KALRN: variants seen among roughly 807,000 people sequenced by gnomAD.
KALRN encodes the protein kalirin.
A neutral mutation model predicts 353.7 loss-of-function variants in KALRN; 70 were observed. The ratio of observed to expected loss-of-function variants is 0.20; its 90% CI spans 0.16 to 0.24. The LOEUF (loss-of-function observed/expected upper bound fraction) is 0.24. KALRN is among the 10% of genes least tolerant of loss of function. The probability of loss-of-function intolerance (pLI) is 1.00; values close to 1 mark genes in which losing one functional copy is unlikely to be tolerated. For synonymous variants in KALRN, 1,391 were observed against 1,434.8 expected (o/e 0.97, Z 0.69); for missense variants, 2,791 against 3,756.7 (o/e 0.74, Z 6.72).
At position 124,334,164 on chromosome 3, in the gene KALRN, A is replaced by C. The variant is rs2080885989; in HGVS notation, c.1417-101A>C. 1.0e-6 allele frequency: 1 copy of C among 975,888 alleles called. No individual in the cohort carries two copies. Among genetic ancestry groups the C allele is most frequent in the Admixed American group, 1.8e-5 (1 of 54,502 alleles). The allele number at this position is 975,888 out of a possible 1,614,324, so 60.5% of individuals were successfully genotyped here. On this transcript the variant is annotated intron_variant, in intron 8 of 59. Coordinates refer to ENST00000682506, the MANE Select transcript of KALRN (RefSeq NM_001388419.1). This position sits in a 1 kb window ranked among gnomAD's most constrained non-coding sequence, Gnocchi z 4.2. Reference sequence around the variant, plus strand: ...TGGGTATGGAATGCCTGAGATTCTCAGAAGGCCTAGTCAGGGACCCTCAGG... The same window carrying C: ...TGGGTATGGAATGCCTGAGATTCTCCGAAGGCCTAGTCAGGGACCCTCAGG...
chr3:124,366,855 CGGACGGGGCGGCT>C (rs2084801144), intron 10 of KALRN, among the ~76,000 whole-genome samples: 2 of 145,204 alleles, frequency 1.4e-5, no homozygotes, highest in East Asian at 2.1e-4. Context: ...ACCTCCCTCC[CGGACGGGGCGGCT>C]GGCCGGGCGG....
intron 1 of KALRN, chr3:124,082,329 T>C (rs1348270666): frequency 6.4e-6 from 3 of 470,872 alleles, no homozygotes; most frequent in Non-Finnish European, 1.3e-5. Context: ...AACTTTTTCT[T>C]ACTGTAAGTA....
At chr3:124,065,342 A>T (rs1322875018) in intron 1 of KALRN, among the ~76,000 whole-genome samples, 1 of 152,100 alleles carries the variant, frequency 6.6e-6, no homozygotes, top group Admixed American at 6.5e-5. Flanking sequence ...TATTTTGGGG[A>T]TGAAGTTAGG....
chr3:124,563,777 C>T (rs997907861), intron 34 of KALRN, among the ~76,000 whole-genome samples: 1 of 152,114 alleles, frequency 6.6e-6, no homozygotes, highest in Non-Finnish European at 1.5e-5. Context: ...TATCAGCATG[C>T]CCTGGGAACC....
Position 124,588,464 on chromosome 3 carries a change from G to A in KALRN, c.5182+25375G>A, listed in dbSNP as rs139300147. On this transcript the variant is annotated intron_variant, in intron 34 of 59. Transcript: ENST00000682506. The stretch of plus-strand genomic sequence containing the variant: ...TTTTGAGATGGAGTCTCGCTCTGTC[G>A]CCCAGGCTGGAGTGCAGTGGGACAA... Among the ~76,000 whole-genome samples, 129 of 152,192 alleles carry A rather than the reference G, an allele frequency of 8.5e-4. No individual in the cohort carries two copies. The East Asian group carries it at 0.022, about 26-fold the overall frequency.
intron 37 of KALRN, among the ~76,000 whole-genome samples, chr3:124,640,202 A>G (rs1423710797): frequency 6.6e-6 from 1 of 152,154 alleles, no homozygotes; most frequent in Admixed American, 6.5e-5. Flanking sequence ...CAATGTACAG[A>G]TCAAAAGAAG....
chr3:124,690,865 A>G (rs891997088), intron 51 of KALRN, among the ~76,000 whole-genome samples: 2 of 152,260 alleles, frequency 1.3e-5, no homozygotes, highest in African/African-American at 4.8e-5. Context: ...AAAAGCAAAT[A>G]TTCCTAATTT....
Position 124,719,692 on chromosome 3 carries a change from A to G in KALRN, c.*222A>G. 1 of 529,854 alleles carries G rather than the reference A, an allele frequency of 1.9e-6. No individual in the cohort carries two copies. Among genetic ancestry groups the G allele is most frequent in the Non-Finnish European group, 3.4e-6 (1 of 296,674 alleles). The allele number at this position is 529,854 out of a possible 1,614,324, so 32.8% of individuals were successfully genotyped here. On this transcript the variant is annotated 3_prime_UTR_variant, in exon 60 of 60. Coordinates refer to ENST00000682506, the MANE Select transcript of KALRN (RefSeq NM_001388419.1). The surrounding 1 kb of genome is among the most constrained non-coding windows in gnomAD (Gnocchi z 5.3). Reference sequence around the variant, plus strand: ...AGAAGGTCATTCTGAAGAAATAAAGAGGCAAAGGGTCACAGAAGTGTTCAG... The same window carrying G: ...AGAAGGTCATTCTGAAGAAATAAAGGGGCAAAGGGTCACAGAAGTGTTCAG...
intron 1 of KALRN, among the ~76,000 whole-genome samples, chr3:124,161,182 C>CA (rs2069882433): frequency 6.6e-6 from 1 of 152,070 alleles, no homozygotes; most frequent in Non-Finnish European, 1.5e-5. Flanking sequence ...ATCCCTCCCC[C>CA]AAAAAAGTAA....
intron 5 of KALRN, among the ~76,000 whole-genome samples, chr3:124,278,061 C>T (rs117543191): frequency 0.016 from 2,367 of 150,150 alleles, 48 homozygotes; most frequent in East Asian, 0.079. Context: ...AGTTCATTGA[C>T]TCATTCGTCA....
intron 1 of KALRN, among the ~76,000 whole-genome samples, chr3:124,153,301 T>G: frequency 7.9e-6 from 1 of 127,126 alleles, no homozygotes. Context: ...CAGAGTGTGA[T>G]GTTCCCCTTC....
rs1174429863 is a variant in KALRN at position 124,591,289 on chromosome 3, T to C, written c.5182+28200T>C. ...TAATTCAGGTCCCTTTTCCCCGCCCTTTTTTGTCCTTGTTCTTTCCTTTTC... is the reference window on the plus strand; with the variant it reads ...TAATTCAGGTCCCTTTTCCCCGCCCCTTTTTGTCCTTGTTCTTTCCTTTTC... On this transcript the variant is annotated intron_variant, in intron 34 of 59. Transcript: ENST00000682506. 3.3e-5 allele frequency among the ~76,000 whole-genome samples: 5 copies of C among 152,288 alleles called. No individual in the cohort carries two copies. In the South Asian group the frequency reaches 8.3e-4, roughly 25 times the overall value.
chr3:124,459,923 G>T lies in KALRN; in HGVS notation c.3855-1967G>T, dbSNP rs78249134. 6.1e-3 allele frequency among the ~76,000 whole-genome samples: 931 copies of T among 152,238 alleles called. 10 individuals are homozygous for T. The highest frequency in any genetic ancestry group is 0.02 in the African/African-American group (836 of 41,526). Reference sequence around the variant, plus strand: ...GCTGTAACCAAGTACCACAAATTGGGTTGTTTAAAGAGCAGAAATGTATTG... The same window carrying T: ...GCTGTAACCAAGTACCACAAATTGGTTTGTTTAAAGAGCAGAAATGTATTG... On this transcript the variant is annotated intron_variant, in intron 23 of 59. Transcript: ENST00000682506.
At chr3:124,227,869 A>G (rs567946771) in intron 1 of KALRN, 121 bp from the exon 2 acceptor site, 2 of 793,618 alleles carry the variant, frequency 2.5e-6, no homozygotes, top group East Asian at 2.5e-5. Context: ...GCTGGGCTGT[A>G]GGACCTGGAC....
intron 5 of KALRN, among the ~76,000 whole-genome samples, chr3:124,298,305 G>A (rs1370766134): frequency 6.6e-6 from 1 of 152,208 alleles, no homozygotes; most frequent in Non-Finnish European, 1.5e-5. Context: ...GTAGAGTTAT[G>A]AGAAAAGCTG....
intron 45 of KALRN, among the ~76,000 whole-genome samples, chr3:124,664,279 CTGAT>C (rs2085265022): frequency 6.6e-6 from 1 of 151,242 alleles, no homozygotes; most frequent in Non-Finnish European, 1.5e-5. Flanking sequence ...GGAGTGGTGT[CTGAT>C]TGTGCTGTCT....
At chr3:124,606,380 A>C (rs1384755133) in intron 34 of KALRN, among the ~76,000 whole-genome samples, 1 of 152,212 alleles carries the variant, frequency 6.6e-6, no homozygotes, top group Non-Finnish European at 1.5e-5. Flanking sequence ...CATGTCTGAC[A>C]AGCTCAGTGC....
intron 15 of KALRN, among the ~76,000 whole-genome samples, chr3:124,425,101 G>C (rs1460501179): frequency 6.6e-6 from 1 of 151,982 alleles, no homozygotes; most frequent in Non-Finnish European, 1.5e-5. Context: ...GGAGTGTAGA[G>C]TAGTGGCTAT....
chr3:124,431,080 T>C (rs573031062), intron 16 of KALRN, among the ~76,000 whole-genome samples: 1 of 152,368 alleles, frequency 6.6e-6, no homozygotes, highest in East Asian at 1.9e-4. Context: ...ATTCTAAATA[T>C]GTACCATGTG....
Sources: allele counts gnomAD v4.1 joint callset (sites outside exome capture counted in the v4.1 genomes callset), GRCh38; gene constraint gnomAD v4.1.1; non-coding constraint Gnocchi (gnomAD v3.1); transcripts MANE v1.5; gene names NCBI Gene and HGNC (gene_info 2026-07-23, HGNC 2026-07-21).